Variants in MINPP1 observed in about 807,000 individuals in gnomAD.
MINPP1 encodes multiple inositol-polyphosphate phosphatase 1, also known as multiple inositol polyphosphate phosphatase 1.
In MINPP1, 28 loss-of-function variants were observed where a neutral mutation model predicts 46.1. The ratio of observed to expected loss-of-function variants is 0.61; its 90% CI spans 0.45 to 0.83. The LOEUF (loss-of-function observed/expected upper bound fraction) is 0.83, where lower values mean the gene tolerates loss of function less well. MINPP1 is among the 40% of genes least tolerant of loss of function. MINPP1 has a pLI of 0.00. For synonymous variants in MINPP1, 268 were observed against 249.1 expected, an observed-to-expected ratio of 1.08 and a Z score of -0.72; for missense variants, 603 against 610.0, an observed-to-expected ratio of 0.99 and a Z score of 0.12.
At chr10:87,532,985 T>G (rs1379610410) in intron 4 of MINPP1, among the ~76,000 whole-genome samples, 1 of 150,288 alleles carries the variant, frequency 6.7e-6, no homozygotes, top group Non-Finnish European at 1.5e-5. Flanking sequence ...CATTAGCCTT[T>G]TTTTTTTTTG....
At chr10:87,551,902 A>G (rs1851968349) in intron 4 of MINPP1, among the ~76,000 whole-genome samples, 180 bp from the exon 5 acceptor site, 2 of 152,174 alleles carry the variant, frequency 1.3e-5, no homozygotes, top group South Asian at 4.1e-4. Context: ...CAGTATAAAA[A>G]GTTTAGTTCT....
chr10:87,543,524 G>A (rs1851846183), intron 4 of MINPP1, among the ~76,000 whole-genome samples: 1 of 152,210 alleles, frequency 6.6e-6, no homozygotes, highest in Middle Eastern at 3.4e-3. Flanking sequence ...GTGTGGTGGT[G>A]CATGCCTGTA....
intron 3 of MINPP1, among the ~76,000 whole-genome samples, chr10:87,517,412 T>C (rs1478976317): frequency 1.3e-5 from 2 of 152,146 alleles, no homozygotes; most frequent in East Asian, 3.8e-4. Context: ...CGGTAACTTC[T>C]TGGGGGCGAT....
chr10:87,517,097 A>G (rs890903772), intron 3 of MINPP1, among the ~76,000 whole-genome samples: 1 of 152,108 alleles, frequency 6.6e-6, no homozygotes, highest in Non-Finnish European at 1.5e-5. Context: ...AGGATCAGGA[A>G]AAATAACTAA....
intron 4 of MINPP1, among the ~76,000 whole-genome samples, chr10:87,539,242 T>C (rs1359135067): frequency 2.0e-5 from 3 of 152,236 alleles, no homozygotes; most frequent in African/African-American, 7.2e-5. Context: ...TATATTTGTA[T>C]TAATAGTTTA....
chr10:87,533,577 GTTAC>G (rs1564679380), intron 4 of MINPP1, among the ~76,000 whole-genome samples: 1 of 152,032 alleles, frequency 6.6e-6, no homozygotes, highest in African/African-American at 2.4e-5. Flanking sequence ...ATTTCAACAA[GTTAC>G]TTCATGTTTT....
chr10:87,518,998 G>T (rs888409348), intron 3 of MINPP1, among the ~76,000 whole-genome samples: 2 of 152,112 alleles, frequency 1.3e-5, no homozygotes, highest in African/African-American at 4.8e-5. Context: ...TTCAGGGCAG[G>T]ATCTTAAGAC....
Position 87,552,648 on chromosome 10 carries a change from A to C in MINPP1, c.*170A>C. 1.5e-6 allele frequency: 1 copy of C among 673,430 alleles called. No homozygotes were observed. The highest frequency in any genetic ancestry group is 2.5e-6 in the Non-Finnish European group (1 of 406,904). 41.7% of individuals were successfully genotyped at this position (673,430 alleles called of 1,614,324 possible). A position where few individuals can be genotyped will look rare whatever the true frequency, so the allele number is the denominator to read the frequency against. ...CTGGGTTTGGACATGAAATGTAAGA[A>C]AAGATTTTTCACTGGAGCAGCTCTC... is the stretch of plus-strand genomic sequence containing the variant. On this transcript the variant is annotated 3_prime_UTR_variant, in exon 5 of 5. Coordinates refer to ENST00000371996, the MANE Select transcript of MINPP1 (RefSeq NM_004897.5).
Position 87,552,109 on chromosome 10 carries a change from CCT to C in MINPP1, c.1097_1098del (p.Leu366ProfsTer57), listed in dbSNP as rs1292942207. 1 of 1,613,062 alleles carries C rather than the reference CCT, an allele frequency of 6.2e-7. No individual in the cohort carries two copies. Reference sequence around the variant, plus strand: ...CTCAGCCAATTTCTTCTCCAGTCATCCTCCAGTTTGGTCATGCAGAGACTCTT... The same window carrying C: ...CTCAGCCAATTTCTTCTCCAGTCATCCCAGTTTGGTCATGCAGAGACTCTT... ...RSQPISSPVI[L>X]QFGHAETLLP... On this transcript the variant is annotated frameshift_variant, in exon 5 of 5. Coordinates refer to ENST00000371996, the MANE Select transcript of MINPP1 (RefSeq NM_004897.5). LOFTEE classifies it high-confidence loss of function.
intron 2 of MINPP1, among the ~76,000 whole-genome samples, chr10:87,509,077 G>A (rs534751939): frequency 6.6e-6 from 1 of 152,262 alleles, no homozygotes; most frequent in South Asian, 2.1e-4. Context: ...CCAAACTGGT[G>A]GGACACTTTC....
intron 4 of MINPP1, among the ~76,000 whole-genome samples, chr10:87,526,246 G>A (rs529393123): frequency 6.6e-6 from 1 of 152,292 alleles, no homozygotes; most frequent in South Asian, 2.1e-4. Context: ...CATTCTGACT[G>A]GTGTGAGATG....
intron 3 of MINPP1, among the ~76,000 whole-genome samples, chr10:87,517,297 C>T (rs953288370): frequency 2.6e-5 from 4 of 152,152 alleles, no homozygotes; most frequent in Non-Finnish European, 5.9e-5. Context: ...AAATATACCT[C>T]TTCTCAAATG....
chr10:87,531,160 C>T (rs371789251), intron 4 of MINPP1, among the ~76,000 whole-genome samples: 1 of 152,178 alleles, frequency 6.6e-6, no homozygotes, highest in Non-Finnish European at 1.5e-5. Context: ...CCGGGTGAGG[C>T]GATGCCCCGT....
chr10:87,508,201 C>T lies in MINPP1; in HGVS notation c.638-135C>T, dbSNP rs1002754278. 4 of 1,548,624 alleles carry T rather than the reference C, an allele frequency of 2.6e-6. No homozygotes were observed. In the African/African-American group the frequency reaches 5.5e-5, roughly 21 times the overall value. ...AATTTTACCCCAAGAGTTTCCTGAC[C>T]AATATGTGCTTATTTCAGCTGTGCG... On this transcript the variant is annotated intron_variant, in intron 1 of 4. Transcript: ENST00000371996.
In MINPP1 at chr10:87,505,704, C is replaced by G; in HGVS notation, c.637+152C>G. 1.4e-6 allele frequency: 1 copy of G among 701,864 alleles called. No individual in the cohort carries two copies. The highest frequency in any genetic ancestry group is 2.3e-6 in the Non-Finnish European group (1 of 425,944). 43.5% of individuals were successfully genotyped at this position (701,864 alleles called of 1,614,324 possible). A position where few individuals can be genotyped will look rare whatever the true frequency, so the allele number is the denominator to read the frequency against. ...ATCCCTCGGGCTACGTCCTCCCTGT[C>G]GAGGGATATTACAGACTTGGCTATC... On this transcript the variant is annotated intron_variant, in intron 1 of 4. Transcript: ENST00000371996. The surrounding 1 kb of genome is among the most constrained non-coding windows in gnomAD (Gnocchi z 4.4).
chr10:87,513,285 C>T (rs1288953822), intron 3 of MINPP1, 64 bp downstream of exon 3: 8 of 1,178,984 alleles, frequency 6.8e-6, no homozygotes, highest in Middle Eastern at 2.4e-4. Context: ...TGCTTGTTTG[C>T]ATTTGGTTAC....
chr10:87,534,083 C>T (rs181462120), intron 4 of MINPP1, among the ~76,000 whole-genome samples: 77 of 130,796 alleles, frequency 5.9e-4, no homozygotes, highest in African/African-American at 2.0e-3. Context: ...GACAGAGTCT[C>T]GCTCTATCCC....
chr10:87,537,815 G>A (rs1410303299), intron 4 of MINPP1, among the ~76,000 whole-genome samples: 1 of 151,508 alleles, frequency 6.6e-6, no homozygotes, highest in Non-Finnish European at 1.5e-5. Flanking sequence ...TGTTACCCAG[G>A]CCAGAGAACA....
chr10:87,507,753 A>G, intron 1 of MINPP1: 3 of 789,952 alleles, frequency 3.8e-6, no homozygotes, highest in Non-Finnish European at 4.6e-6. Context: ...TTATATAGAA[A>G]GTTATCTGGG....
Sources: gnomAD v4.1 joint callset for allele counts (sites outside exome capture counted in the v4.1 genomes callset) on GRCh38, gnomAD v4.1.1 for gene constraint, Gnocchi (gnomAD v3.1) non-coding constraint, MANE v1.5 for transcripts, NCBI Gene and HGNC (gene_info 2026-07-23, HGNC 2026-07-21) for gene names.